The following SLC16A1 variants were observed in gnomAD, a reference collection of about 807,000 sequenced individuals.
The protein encoded by SLC16A1 is monocarboxylate transporter 1.
Under a neutral mutation model 32.2 loss-of-function variants are expected in SLC16A1, and 11 were observed. That is an observed-to-expected ratio of 0.34 (90% CI 0.21 to 0.56). SLC16A1 has a LOEUF of 0.56. Among genes scored for constraint, SLC16A1 ranks in the 20% least tolerant of loss-of-function variants. SLC16A1 has a pLI of 0.87. For synonymous variants in SLC16A1, 231 were observed against 226.8 expected (o/e 1.02, Z -0.17); for missense variants, 435 against 615.0 (o/e 0.71, Z 3.10).
intron 1 of SLC16A1, among the ~76,000 whole-genome samples, chr1:112,943,807 AAG>A (rs1348990991): frequency 3.3e-5 from 5 of 151,614 alleles, no homozygotes; most frequent in African/African-American, 1.2e-4. Flanking sequence ...AAAAAAAAAA[AAG>A]ATTGCAAACT....
At chr1:112,919,133 C>T (rs759912756) in intron 3 of SLC16A1, among the ~76,000 whole-genome samples, 4 of 151,980 alleles carry the variant, frequency 2.6e-5, no homozygotes, top group Non-Finnish European at 4.4e-5. Flanking sequence ...CGGGTTCACA[C>T]CATTCTCCTG....
chr1:112,919,091 C>T (rs933387900), intron 3 of SLC16A1, among the ~76,000 whole-genome samples: 3 of 151,556 alleles, frequency 2.0e-5, no homozygotes, highest in Admixed American at 1.3e-4. Context: ...AGTGCAGTGG[C>T]GCGATCTCGG....
chr1:112,936,167 T>C (rs534410119), intron 1 of SLC16A1, among the ~76,000 whole-genome samples: 10 of 152,176 alleles, frequency 6.6e-5, no homozygotes, highest in Non-Finnish European at 1.5e-4. Flanking sequence ...AATGTGTTGA[T>C]ACACATCTCT....
At chr1:112,935,362 T>A (rs569271850) in intron 1 of SLC16A1, among the ~76,000 whole-genome samples, 2 of 152,052 alleles carry the variant, frequency 1.3e-5, no homozygotes, top group Non-Finnish European at 2.9e-5. Context: ...TGAGCTGAGA[T>A]TGCACTACTG....
At chr1:112,940,843 AAAT>A (rs1649483116) in intron 1 of SLC16A1, among the ~76,000 whole-genome samples, 1 of 152,216 alleles carries the variant, frequency 6.6e-6, no homozygotes, top group African/African-American at 2.4e-5. Flanking sequence ...TTATAGAACA[AAAT>A]AATAATTCAC....
In SLC16A1 at chr1:112,929,708, A is replaced by T. The variant is rs974522990; in HGVS notation, c.-44-356T>A. Among the ~76,000 whole-genome samples, 7 of 152,216 alleles carry T rather than the reference A, an allele frequency of 4.6e-5. No individual in the cohort carries two copies. In the East Asian group the frequency reaches 1.3e-3, roughly 29 times the overall value. On this transcript the variant is annotated intron_variant, in intron 1 of 4. Coordinates refer to ENST00000369626, the MANE Select transcript of SLC16A1 (RefSeq NM_003051.4). ...AAAAAAATTAAAAAATTAGCCAGACATGGTGGTGTGTGTCTGTGGTCCCAG... is the reference window on the plus strand; with the variant it reads ...AAAAAAATTAAAAAATTAGCCAGACTTGGTGGTGTGTGTCTGTGGTCCCAG...
chr1:112,932,521 G>A (rs1028818307), intron 1 of SLC16A1, among the ~76,000 whole-genome samples: 12 of 152,042 alleles, frequency 7.9e-5, no homozygotes, highest in African/African-American at 1.7e-4. Flanking sequence ...ACCTTGTCTC[G>A]GCCAGGTGCG....
At chr1:112,927,009 C>T (rs866387477) in intron 2 of SLC16A1, among the ~76,000 whole-genome samples, 11 of 151,284 alleles carry the variant, frequency 7.3e-5, no homozygotes, top group African/African-American at 2.7e-4. Flanking sequence ...AGTAGGGCCA[C>T]CTGCTACTGG....
At chr1:112,950,196 C>T (rs1649840518) in intron 1 of SLC16A1, among the ~76,000 whole-genome samples, 1 of 152,096 alleles carries the variant, frequency 6.6e-6, no homozygotes, top group African/African-American at 2.4e-5. Context: ...TTCAATAGAC[C>T]TTAGGGGATC....
At chr1:112,924,052 GC>G in intron 2 of SLC16A1, 1 of 1,293,884 alleles carries the variant, frequency 7.7e-7, no homozygotes, top group South Asian at 1.2e-5. Flanking sequence ...TACAGGAATC[GC>G]TTCTGGAAGA....
intron 1 of SLC16A1, among the ~76,000 whole-genome samples, chr1:112,950,932 G>A (rs1649870411): frequency 6.6e-6 from 1 of 152,122 alleles, no homozygotes; most frequent in African/African-American, 2.4e-5. Flanking sequence ...AGGAGTTACA[G>A]GCTGCAGTGA....
intron 3 of SLC16A1, among the ~76,000 whole-genome samples, chr1:112,921,332 CAT>C (rs1046472024): frequency 3.7e-4 from 56 of 152,062 alleles, no homozygotes; most frequent in African/African-American, 1.4e-3. Context: ...ATTTAGCATA[CAT>C]ATATTAAAAC....
At chr1:112,930,792 T>C (rs1649101266) in intron 1 of SLC16A1, among the ~76,000 whole-genome samples, 1 of 151,548 alleles carries the variant, frequency 6.6e-6, no homozygotes, top group Non-Finnish European at 1.5e-5. Flanking sequence ...TAGCAAGATC[T>C]TGGCTCACTA....
intron 4 of SLC16A1, among the ~76,000 whole-genome samples, chr1:112,915,654 A>G (rs921358372): frequency 2.0e-5 from 3 of 152,178 alleles, no homozygotes; most frequent in African/African-American, 7.2e-5. Context: ...GGAGCAGCCC[A>G]AACAGGAGAC....
chr1:112,923,824 G>C, intron 2 of SLC16A1: 3 of 1,498,156 alleles, frequency 2.0e-6, no homozygotes, highest in Middle Eastern at 3.9e-4. Flanking sequence ...CTCTGCAAGA[G>C]CAATGGCTGG....
chr1:112,931,164 A>C (rs2101635366), intron 1 of SLC16A1, among the ~76,000 whole-genome samples: 1 of 152,302 alleles, frequency 6.6e-6, no homozygotes, highest in Non-Finnish European at 1.5e-5. Flanking sequence ...GTAGCAATTT[A>C]CAAAAAAAAA....
At chr1:112,952,074 C>T (rs1649917362) in intron 1 of SLC16A1, among the ~76,000 whole-genome samples, 1 of 152,158 alleles carries the variant, frequency 6.6e-6, no homozygotes, top group Non-Finnish European at 1.5e-5. Context: ...TCCCCCAACA[C>T]TCCCACTCGG....
chr1:112,950,984 GAATTTATA>G (rs1649872058), intron 1 of SLC16A1, among the ~76,000 whole-genome samples: 1 of 151,678 alleles, frequency 6.6e-6, no homozygotes, highest in South Asian at 2.1e-4. Context: ...GCGACAGAGT[GAATTTATA>G]AATTTATAAA....
intron 3 of SLC16A1, among the ~76,000 whole-genome samples, chr1:112,919,010 ATTTT>A (rs1648616122): frequency 1.2e-5 from 1 of 80,514 alleles, no homozygotes; most frequent in South Asian, 3.9e-4. Flanking sequence ...GTACTAATTT[ATTTT>A]ATTTATTTAT....
Sources: allele counts gnomAD v4.1 joint callset (sites outside exome capture counted in the v4.1 genomes callset), GRCh38; gene constraint gnomAD v4.1.1; transcripts MANE v1.5; gene names NCBI Gene and HGNC (gene_info 2026-07-23, HGNC 2026-07-21).